Variants in ANO6 observed in about 807,000 individuals in gnomAD.
The protein encoded by ANO6 is anoctamin 6, also known as anoctamin-6.
A neutral mutation model predicts 117.5 loss-of-function variants in ANO6; 106 were observed. The observed-to-expected ratio is 0.90, with a 90% CI of 0.77 to 1.06. The LOEUF (loss-of-function observed/expected upper bound fraction) is 1.06, where lower values mean the gene tolerates loss of function less well. Ranked by LOEUF, ANO6 falls within the 50% of genes least tolerant of loss-of-function variation. ANO6 has a pLI of 0.00. For missense variants in ANO6, 955 were observed against 1,121.1 expected (o/e 0.85, Z 2.12); for synonymous variants, 367 against 385.1 (o/e 0.95, Z 0.55).
intron 1 of ANO6, among the ~76,000 whole-genome samples, chr12:45,286,828 C>A (rs1365227728): frequency 6.6e-6 from 1 of 152,196 alleles, no homozygotes; most frequent in Non-Finnish European, 1.5e-5. Flanking sequence ...GGGGTAAATA[C>A]TAGTCCCATT....
intron 2 of ANO6, among the ~76,000 whole-genome samples, chr12:45,310,742 T>C (rs1413631339): frequency 6.6e-6 from 1 of 152,066 alleles, no homozygotes; most frequent in Non-Finnish European, 1.5e-5. Flanking sequence ...CTTTGGGAAG[T>C]GCAGCCGGTC....
intron 3 of ANO6, among the ~76,000 whole-genome samples, chr12:45,336,670 G>A (rs1370519983): frequency 2.6e-5 from 4 of 151,996 alleles, no homozygotes; most frequent in Admixed American, 6.6e-5. Flanking sequence ...GTATAGTACC[G>A]AACGCTTGTT....
At chr12:45,236,103 A>G (rs1236291795) in intron 1 of ANO6, among the ~76,000 whole-genome samples, 1 of 152,246 alleles carries the variant, frequency 6.6e-6, no homozygotes, top group Non-Finnish European at 1.5e-5. Context: ...CTGTTGTGAT[A>G]TAACAGAATT....
Position 45,425,655 on chromosome 12 carries a change from C to T in ANO6, c.2526+2593C>T, listed in dbSNP as rs533916848. The stretch of plus-strand genomic sequence containing the variant: ...GTTTGAAATATTTCTACAATGAAAA[C>T]ACCAGACCATGTGGTTTTTATTGGA... On this transcript the variant is annotated intron_variant, in intron 19 of 19. Coordinates refer to ENST00000320560, the MANE Select transcript of ANO6 (RefSeq NM_001025356.3). Among the ~76,000 whole-genome samples, 8 of 152,302 alleles carry T rather than the reference C, an allele frequency of 5.3e-5. No homozygotes were observed. The South Asian group carries it at 1.7e-3, about 32-fold the overall frequency.
intron 10 of ANO6, among the ~76,000 whole-genome samples, chr12:45,387,346 G>T (rs961117409): frequency 1.6e-4 from 25 of 152,144 alleles, no homozygotes; most frequent in African/African-American, 6.0e-4. Flanking sequence ...TTTTCCGTAT[G>T]AATGAATATT....
intron 2 of ANO6, among the ~76,000 whole-genome samples, chr12:45,322,293 A>ATAGGTGGTAAGGAG (rs113007412): frequency 0.94 from 142,831 of 151,186 alleles, 68,011 homozygotes; most frequent in Non-Finnish European, 1. Flanking sequence ...TAAGATTTGG[A>ATAGGTGGTAAGGAG]TAGGTGGTTA....
intron 1 of ANO6, among the ~76,000 whole-genome samples, chr12:45,259,700 T>C (rs1279631930): frequency 6.6e-6 from 1 of 152,168 alleles, no homozygotes; most frequent in Non-Finnish European, 1.5e-5. Context: ...CCTTCTCTGA[T>C]AGTCAAAGCA....
At chr12:45,392,495 T>A (rs534620960) in intron 12 of ANO6, among the ~76,000 whole-genome samples, 1 of 152,230 alleles carries the variant, frequency 6.6e-6, no homozygotes, top group Non-Finnish European at 1.5e-5. Context: ...AAGAGAGCAG[T>A]GGTTCTCCCA....
At position 45,419,044 on chromosome 12, in the gene ANO6, G is replaced by A. The variant is rs1943286579; in HGVS notation, c.2218-2027G>A. On this transcript the variant is annotated intron_variant, in intron 17 of 19. Coordinates refer to ENST00000320560, the MANE Select transcript of ANO6 (RefSeq NM_001025356.3). ...ACAAAAAGAGAATAACCACCAGGAT[G>A]AGAGTGGGCATCAAGCAGGAATTTG... Among the ~76,000 whole-genome samples, 2 of 152,228 alleles carry A rather than the reference G, an allele frequency of 1.3e-5. 1 individual carries two copies. Among genetic ancestry groups the A allele is most frequent in the South Asian group, 4.1e-4 (2 of 4,834 alleles).
chr12:45,432,370 T>C, downstream of ANO6: 13 of 766,140 alleles, frequency 1.7e-5, no homozygotes, highest in Non-Finnish European at 2.1e-5. Context: ...TATTCTATAT[T>C]GTCTTAACGT....
chr12:45,357,477 A>G, intron 8 of ANO6, 53 bp downstream of exon 8: 1 of 1,605,830 alleles, frequency 6.2e-7, no homozygotes, highest in Non-Finnish European at 8.5e-7. Context: ...TAGACATAAA[A>G]TTATTTTCAT....
chr12:45,292,741 C>T, intron 1 of ANO6: 1 of 1,414,150 alleles, frequency 7.1e-7, no homozygotes, highest in Non-Finnish European at 9.3e-7. Flanking sequence ...GCTGAAACAA[C>T]ACCAAACATG....
chr12:45,379,185 C>T (rs1051077501), intron 10 of ANO6, among the ~76,000 whole-genome samples: 1 of 152,186 alleles, frequency 6.6e-6, no homozygotes, highest in Admixed American at 6.5e-5. Context: ...CTTTAAAAGA[C>T]AACACGTCAA....
intron 2 of ANO6, among the ~76,000 whole-genome samples, chr12:45,307,804 A>C (rs539323364): frequency 1.4e-4 from 21 of 152,196 alleles, no homozygotes; most frequent in African/African-American, 4.8e-4. Context: ...AGGTGGGAGG[A>C]AAGTGAAGAG....
intron 2 of ANO6, among the ~76,000 whole-genome samples, chr12:45,306,256 C>T (rs922413011): frequency 2.0e-5 from 3 of 152,166 alleles, no homozygotes; most frequent in Non-Finnish European, 4.4e-5. Context: ...CTGGAAGATT[C>T]TTCTTGCCTC....
intron 1 of ANO6, among the ~76,000 whole-genome samples, chr12:45,248,013 T>C (rs905025505): frequency 6.6e-6 from 1 of 152,236 alleles, no homozygotes; most frequent in South Asian, 2.1e-4. Context: ...ATCTATATTG[T>C]CTCATTTCTA....
chr12:45,337,475 A>G (rs748531563), intron 3 of ANO6, among the ~76,000 whole-genome samples: 7 of 152,176 alleles, frequency 4.6e-5, no homozygotes, highest in Admixed American at 6.6e-5. Flanking sequence ...TGTACACTCT[A>G]TGGTGTTCAC....
chr12:45,385,103 T>G (rs1942262460), intron 10 of ANO6, among the ~76,000 whole-genome samples: 1 of 152,162 alleles, frequency 6.6e-6, no homozygotes. Context: ...ATTCATTCGT[T>G]ACATGCCTAC....
At chr12:45,340,611 G>A (rs1940953886) in intron 3 of ANO6, among the ~76,000 whole-genome samples, 1 of 151,946 alleles carries the variant, frequency 6.6e-6, no homozygotes, top group African/African-American at 2.4e-5. Context: ...TTCCAGTAAG[G>A]CACATAGATA....
Sources: allele counts gnomAD v4.1 joint callset (sites outside exome capture counted in the v4.1 genomes callset), GRCh38; gene constraint gnomAD v4.1.1; transcripts MANE v1.5; gene names NCBI Gene and HGNC (gene_info 2026-07-23, HGNC 2026-07-21).